CERS1: variants seen among roughly 807,000 people sequenced by gnomAD.
CERS1 encodes ceramide synthase 1.
CERS1 carries 16 observed loss-of-function variants against 35.7 expected under a neutral mutation model. That is an observed-to-expected ratio of 0.45 (90% confidence interval 0.30 to 0.68). The LOEUF (loss-of-function observed/expected upper bound fraction) is 0.68. Among genes scored for constraint, CERS1 ranks in the 30% least tolerant of loss-of-function variants. The pLI, the probability that CERS1 is intolerant of heterozygous loss-of-function variation, is 0.08. For synonymous variants in CERS1, 243 were observed against 201.6 expected (o/e 1.21, Z -1.74); for missense variants, 454 against 453.9 (o/e 1.00, Z 0.00).
rs2056622144 is a variant in CERS1, at chr19:18,896,108, C to A, written c.-36G>T. ...CGCCCGCCGTGCCCGTCGCCTGCGC[C>A]CGCCCGCGGTAGCCGACGGAGCCGC... is the stretch of plus-strand genomic sequence containing the variant. On this transcript the variant is annotated 5_prime_UTR_variant, in exon 1 of 8. Transcript: ENST00000623882. The surrounding 1 kb of genome is among the most constrained non-coding windows in gnomAD (Gnocchi z 5.9). The A allele has an allele frequency of 1.2e-6, 1 of 858,144 alleles. No individual in the cohort carries two copies. Among genetic ancestry groups the A allele is most frequent in the Non-Finnish European group, 1.4e-6 (1 of 716,678 alleles). The allele number at this position is 858,144 out of a possible 1,614,324, so 53.2% of individuals were successfully genotyped here.
intron 3 of CERS1, 150 bp from the exon 4 acceptor site, chr19:18,880,585 A>G (rs568045322): frequency 1.1e-5 from 8 of 707,416 alleles, no homozygotes; most frequent in African/African-American, 3.6e-5. Flanking sequence ...TGCCCTGCCC[A>G]TCTCCACTTC....
Position 18,878,624 on chromosome 19 carries a change from C to A in CERS1, c.1010+306G>T, listed in dbSNP as rs1475010100. The A allele has an allele frequency of 8.3e-7, 1 of 1,201,124 alleles. No individual in the cohort carries two copies. The highest frequency in any genetic ancestry group is 1.0e-6 in the Non-Finnish European group (1 of 957,204). The allele number at this position is 1,201,124 out of a possible 1,614,324, so 74.4% of individuals were successfully genotyped here. A position where few individuals can be genotyped will look rare whatever the true frequency, so the allele number is the denominator to read the frequency against. ...AACTACTCCTCACCACCCACAGGGC[C>A]CTGGCTCGCCACTCCCGCCACACCA... On this transcript the variant is annotated intron_variant, in intron 6 of 7. Transcript: ENST00000623882. The surrounding 1 kb of genome is among the most constrained non-coding windows in gnomAD (Gnocchi z 4.6).
intron 7 of CERS1, 115 bp downstream of exon 7, chr19:18,869,867 TG>T: frequency 9.8e-7 from 1 of 1,019,144 alleles, no homozygotes; most frequent in Non-Finnish European, 1.5e-6. Flanking sequence ...GCTAGTAGCC[TG>T]GACAGGGCGG....
chr19:18,880,941 T>G (rs1264972180), intron 3 of CERS1, among the ~76,000 whole-genome samples: 2 of 152,154 alleles, frequency 1.3e-5, no homozygotes, highest in Non-Finnish European at 2.9e-5. Flanking sequence ...TCAAGCGATC[T>G]TCTCACCTTG....
intron 6 of CERS1, among the ~76,000 whole-genome samples, chr19:18,872,793 G>A (rs1194805777): frequency 6.6e-6 from 1 of 152,176 alleles, no homozygotes; most frequent in African/African-American, 2.4e-5. Flanking sequence ...GGGATTACAG[G>A]CGTGAGCGCC....
chr19:18,893,098 A>G lies in CERS1; in HGVS notation c.409+318T>C, dbSNP rs200242358. Among the ~76,000 whole-genome samples the G allele has an allele frequency of 7.9e-5, 12 of 152,112 alleles. No homozygotes were observed. The East Asian group carries it at 2.3e-3, about 30-fold the overall frequency. On this transcript the variant is annotated intron_variant, in intron 2 of 7. Coordinates refer to ENST00000623882, the MANE Select transcript of CERS1 (RefSeq NM_021267.5). ...CCGGCTAATTTTTTGTATTTTTAGT[A>G]GAGACGGGGTTTCACCATGTTAGCC...
In CERS1 at chr19:18,893,486, C is replaced by A. The variant is rs1213908620; in HGVS notation, c.339G>T (p.Trp113Cys). 5 of 1,607,590 alleles carry A rather than the reference C, an allele frequency of 3.1e-6. No homozygotes were observed. The African/African-American group carries it at 5.3e-5, about 17-fold the overall frequency. ...AWKFLFYLGS[W>C]SYSAYLLFGT... ...CAAACAGCAGGTAGGCACTGTAGCT[C>A]CAGCTGCCCAGGTAGAAGAGAAACT... The change falls in exon 2 of 8, where the codon TGG (tryptophan) becomes TGT (cysteine). Residue 113 changes from tryptophan (W) to cysteine (C), a missense_variant. Transcript: ENST00000623882.
At chr19:18,893,363 G>C in intron 2 of CERS1, 53 bp downstream of exon 2, 1 of 1,535,194 alleles carries the variant, frequency 6.5e-7, no homozygotes, top group Non-Finnish European at 8.8e-7. Flanking sequence ...CACAAGCCTG[G>C]CGTCTTTGTG....
chr19:18,878,830 G>T lies in CERS1; in HGVS notation c.1010+100C>A, dbSNP rs1263058637. The stretch of plus-strand genomic sequence containing the variant: ...AGGCTTGGGGGGCAGCATCCGCGTC[G>T]GCCTCATCTGCTGCTGGGTCTTGGG... On this transcript the variant is annotated intron_variant, in intron 6 of 7. Transcript: ENST00000623882. The surrounding 1 kb of genome is among the most constrained non-coding windows in gnomAD (Gnocchi z 4.6). 6.6e-7 allele frequency: 1 copy of T among 1,524,946 alleles called. No individual in the cohort carries two copies. The highest frequency in any genetic ancestry group is 1.2e-5 in the South Asian group (1 of 82,082). The allele number at this position is 1,524,946 out of a possible 1,614,324, so 94.5% of individuals were successfully genotyped here.
intron 6 of CERS1, among the ~76,000 whole-genome samples, chr19:18,871,060 T>C (rs2055960521): frequency 6.6e-6 from 1 of 151,130 alleles, no homozygotes; most frequent in Non-Finnish European, 1.5e-5. Flanking sequence ...ATCTGCTGTC[T>C]CCACCTACTT....
intron 2 of CERS1, among the ~76,000 whole-genome samples, chr19:18,886,376 C>T (rs1331763565): frequency 2.6e-5 from 4 of 152,056 alleles, no homozygotes; most frequent in African/African-American, 4.8e-5. Flanking sequence ...AGTGAAACCC[C>T]GTCTCTACTA....
chr19:18,895,842 G>T lies in CERS1; in HGVS notation c.231C>A (p.Ala77=). The change falls in exon 1 of 8, where the codon GCC becomes GCA. Residue 77 remains alanine (A), a synonymous_variant. Transcript: ENST00000623882. This position sits in a 1 kb window ranked among gnomAD's most constrained non-coding sequence, Gnocchi z 6.4. ...CACTGACCCGAAAGAGGCGCGCAGT[G>T]GCCGCGGAGCGCAGGGCGGTCCAGC... ...ALGWTALRSA[A]TARLFRPLAK... The T allele has an allele frequency of 7.7e-7, 1 of 1,296,176 alleles. No individual in the cohort carries two copies. The highest frequency in any genetic ancestry group is 9.8e-7 in the Non-Finnish European group (1 of 1,021,692). 80.3% of individuals were successfully genotyped at this position (1,296,176 alleles called of 1,614,324 possible).
chr19:18,884,709 C>CTTTTTTTTTTTTTTTTT (rs36074874), intron 2 of CERS1, among the ~76,000 whole-genome samples: 1 of 69,128 alleles, frequency 1.4e-5, no homozygotes, highest in Non-Finnish European at 2.5e-5. Context: ...GCCCAGCCGT[C>CTTTTTTTTTTTTTTTTT]TTTTTTTTTT....
Position 18,895,839 on chromosome 19 carries a change from A to T in CERS1, c.234T>A (p.Thr78=), listed in dbSNP as rs113536478. 7.8e-7 allele frequency: 1 copy of T among 1,282,678 alleles called. No individual in the cohort carries two copies. Among genetic ancestry groups the T allele is most frequent in the Non-Finnish European group, 9.9e-7 (1 of 1,013,620 alleles). 79.5% of individuals were successfully genotyped at this position (1,282,678 alleles called of 1,614,324 possible). ...LGWTALRSAA[T]ARLFRPLAKR... is the part of the protein sequence containing the mutation. ...CCACACTGACCCGAAAGAGGCGCGCAGTGGCCGCGGAGCGCAGGGCGGTCC... is the reference window on the plus strand; with the variant it reads ...CCACACTGACCCGAAAGAGGCGCGCTGTGGCCGCGGAGCGCAGGGCGGTCC... Residue 78 remains threonine, a synonymous_variant, in exon 1 of 8, where the codon ACT becomes ACA. Transcript: ENST00000623882. The surrounding 1 kb of genome is among the most constrained non-coding windows in gnomAD (Gnocchi z 6.4).
intron 2 of CERS1, among the ~76,000 whole-genome samples, chr19:18,887,518 G>C (rs772757449): frequency 1.3e-5 from 2 of 152,138 alleles, no homozygotes; most frequent in Non-Finnish European, 2.9e-5. Context: ...GTGGAGGCAG[G>C]TGGATCACCT....
At chr19:18,886,358 G>C (rs943964786) in intron 2 of CERS1, among the ~76,000 whole-genome samples, 1 of 152,122 alleles carries the variant, frequency 6.6e-6, no homozygotes, top group Non-Finnish European at 1.5e-5. Flanking sequence ...GACCATCCTG[G>C]TTAACACAGT....
In CERS1 at chr19:18,878,699, G is replaced by A. The variant is rs963000996; in HGVS notation, c.1010+231C>T. On this transcript the variant is annotated intron_variant, in intron 6 of 7. Coordinates refer to ENST00000623882, the MANE Select transcript of CERS1 (RefSeq NM_021267.5). The surrounding 1 kb of genome is among the most constrained non-coding windows in gnomAD (Gnocchi z 4.6). Reference sequence around the variant, plus strand: ...CCCTACCGCTGAGACCCTGCCTGTCGCCCTGCCTGCCCCTCCCCAGCCTCT... The same window carrying A: ...CCCTACCGCTGAGACCCTGCCTGTCACCCTGCCTGCCCCTCCCCAGCCTCT... 4 of 1,358,394 alleles carry A rather than the reference G, an allele frequency of 2.9e-6. No homozygotes were observed. The highest frequency in any genetic ancestry group is 3.8e-6 in the Non-Finnish European group (4 of 1,051,520). The allele number at this position is 1,358,394 out of a possible 1,614,324, so 84.1% of individuals were successfully genotyped here.
intron 6 of CERS1, among the ~76,000 whole-genome samples, chr19:18,871,558 C>T (rs1249720432): frequency 6.6e-6 from 1 of 152,074 alleles, no homozygotes; most frequent in Admixed American, 6.6e-5. Context: ...GAGATGAGGT[C>T]GCTATGTTGT....
In CERS1 at chr19:18,878,891, AAAG is replaced by A; in HGVS notation, c.1010+36_1010+38del. 3 of 1,607,302 alleles carry A rather than the reference AAAG, an allele frequency of 1.9e-6. No homozygotes were observed. The highest frequency in any genetic ancestry group is 2.5e-6 in the Non-Finnish European group (3 of 1,177,472). On this transcript the variant is annotated intron_variant, in intron 6 of 7. Coordinates refer to ENST00000623882, the MANE Select transcript of CERS1 (RefSeq NM_021267.5). The surrounding 1 kb of genome is among the most constrained non-coding windows in gnomAD (Gnocchi z 4.6). Reference sequence around the variant, plus strand: ...CGAACACGCTTGGACGGGTGACACTAAAGGAGGGAACGCGGGGTGCGGGCCCCT... The same window carrying A: ...CGAACACGCTTGGACGGGTGACACTAGAGGGAACGCGGGGTGCGGGCCCCT...
Sources: gnomAD v4.1 joint callset for allele counts (sites outside exome capture counted in the v4.1 genomes callset) on GRCh38, gnomAD v4.1.1 for gene constraint, Gnocchi (gnomAD v3.1) non-coding constraint, MANE v1.5 for transcripts, NCBI Gene and HGNC (gene_info 2026-07-23, HGNC 2026-07-21) for gene names.